The following GPR39 variants were observed in gnomAD, a reference collection of about 807,000 sequenced individuals.
GPR39 encodes zinc sensing receptor.
GPR39 carries 23 observed loss-of-function variants against 18.4 expected under a neutral mutation model. The ratio of observed to expected loss-of-function variants is 1.25; its 90% CI spans 0.90 to 1.77. The LOEUF is 1.77. GPR39 is among the 40% of genes most tolerant of loss of function. GPR39 has a pLI of 0.00. For synonymous variants in GPR39, 280 were observed against 257.9 expected, an observed-to-expected ratio of 1.09 and a Z score of -0.82; for missense variants, 647 against 602.4, an observed-to-expected ratio of 1.07 and a Z score of -0.78.
intron 1 of GPR39, among the ~76,000 whole-genome samples, chr2:132,565,170 C>A (rs541724368): frequency 6.6e-6 from 1 of 152,028 alleles, no homozygotes; most frequent in East Asian, 1.9e-4. Flanking sequence ...GATTTAGTGG[C>A]GTGACGATTA....
intron 1 of GPR39, among the ~76,000 whole-genome samples, chr2:132,445,030 C>A (rs1038611437): frequency 2.0e-5 from 3 of 152,154 alleles, no homozygotes; most frequent in Admixed American, 6.6e-5. Context: ...CCCTACCGCC[C>A]ATCCATTCCC....
chr2:132,457,129 A>T (rs1680742973), intron 1 of GPR39, among the ~76,000 whole-genome samples: 1 of 152,040 alleles, frequency 6.6e-6, no homozygotes, highest in South Asian at 2.1e-4. Flanking sequence ...TCAAATGTAG[A>T]TTTGATCTTT....
intron 1 of GPR39, among the ~76,000 whole-genome samples, chr2:132,603,169 T>C (rs2104843122): frequency 6.6e-6 from 1 of 152,156 alleles, no homozygotes; most frequent in East Asian, 1.9e-4. Context: ...ATAAGGAAAA[T>C]GTGATGTATA....
chr2:132,575,711 A>C (rs1290688404), intron 1 of GPR39, among the ~76,000 whole-genome samples: 9 of 152,170 alleles, frequency 5.9e-5, no homozygotes, highest in Admixed American at 2.0e-4. Context: ...ATGATATTGA[A>C]TGTCCTGCAT....
chr2:132,472,044 A>G (rs966153277), intron 1 of GPR39, among the ~76,000 whole-genome samples: 1 of 152,120 alleles, frequency 6.6e-6, no homozygotes, highest in African/African-American at 2.4e-5. Flanking sequence ...ACTCAACATC[A>G]GTCTGTGCTG....
intron 1 of GPR39, among the ~76,000 whole-genome samples, chr2:132,442,877 T>C (rs557054936): frequency 6.6e-6 from 1 of 152,330 alleles, no homozygotes; most frequent in East Asian, 1.9e-4. Context: ...CTCTTCACTC[T>C]GCATATTTAG....
chr2:132,553,412 G>C, intron 1 of GPR39, among the ~76,000 whole-genome samples: 1 of 150,090 alleles, frequency 6.7e-6, no homozygotes, highest in South Asian at 2.1e-4. Flanking sequence ...GTATATATAT[G>C]TACACACACA....
intron 1 of GPR39, among the ~76,000 whole-genome samples, chr2:132,465,223 A>G (rs1680905995): frequency 6.6e-6 from 1 of 152,184 alleles, no homozygotes; most frequent in East Asian, 1.9e-4. Context: ...TGTCCTGATC[A>G]GATCTGGGCA....
intron 1 of GPR39, among the ~76,000 whole-genome samples, chr2:132,540,180 C>A (rs1237617919): frequency 6.6e-6 from 1 of 152,176 alleles, no homozygotes; most frequent in East Asian, 1.9e-4. Flanking sequence ...ATTTCTCTAA[C>A]ATATGTAGAA....
chr2:132,461,649 A>G (rs1198333004), intron 1 of GPR39, among the ~76,000 whole-genome samples: 3 of 152,210 alleles, frequency 2.0e-5, no homozygotes, highest in African/African-American at 7.2e-5. Context: ...TGCTGTTTTC[A>G]TATAGCTTTT....
At chr2:132,604,220 C>T (rs1334913244) in intron 1 of GPR39, among the ~76,000 whole-genome samples, 1 of 152,132 alleles carries the variant, frequency 6.6e-6, no homozygotes, top group Non-Finnish European at 1.5e-5. Context: ...TTAACTTTCT[C>T]CTTCTGTCTT....
intron 1 of GPR39, among the ~76,000 whole-genome samples, chr2:132,507,592 T>C (rs1457578377): frequency 2.6e-5 from 4 of 152,180 alleles, no homozygotes; most frequent in Non-Finnish European, 5.9e-5. Context: ...GATCACTACC[T>C]GGGGTTAGGT....
intron 1 of GPR39, among the ~76,000 whole-genome samples, chr2:132,527,868 T>C (rs532766160): frequency 2.0e-5 from 3 of 151,458 alleles, no homozygotes; most frequent in African/African-American, 4.8e-5. Flanking sequence ...TGCAAAACTT[T>C]TCTTCACTCT....
chr2:132,519,527 C>T (rs959913313), intron 1 of GPR39, among the ~76,000 whole-genome samples: 4 of 152,114 alleles, frequency 2.6e-5, no homozygotes, highest in African/African-American at 7.2e-5. Context: ...AATTCTGAGG[C>T]GTAATGCAAG....
At chr2:132,469,842 C>G (rs967889661) in intron 1 of GPR39, among the ~76,000 whole-genome samples, 3 of 152,178 alleles carry the variant, frequency 2.0e-5, no homozygotes, top group African/African-American at 7.2e-5. Context: ...CTTTCCCGTT[C>G]TCATCTCCCT....
At chr2:132,457,250 C>T (rs550754874) in intron 1 of GPR39, among the ~76,000 whole-genome samples, 1 of 152,258 alleles carries the variant, frequency 6.6e-6, no homozygotes, top group Admixed American at 6.5e-5. Context: ...CACTGAAACC[C>T]TTACTTCCAC....
chr2:132,612,552 G>A (rs1410059323), intron 1 of GPR39, among the ~76,000 whole-genome samples: 1 of 152,146 alleles, frequency 6.6e-6, no homozygotes. Context: ...ATTAATGTCT[G>A]CCCTTTGGAG....
intron 1 of GPR39, among the ~76,000 whole-genome samples, chr2:132,591,066 A>T (rs1680827472): frequency 6.6e-6 from 1 of 150,536 alleles, no homozygotes; most frequent in African/African-American, 2.4e-5. Context: ...CCTGGCTAAC[A>T]AGGTGAAACC....
chr2:132,471,892 G>A (rs560874921), intron 1 of GPR39, among the ~76,000 whole-genome samples: 8 of 152,214 alleles, frequency 5.3e-5, no homozygotes, highest in African/African-American at 1.9e-4. Flanking sequence ...CAAAAGCTCT[G>A]CAAGCCAGGC....
Sources: allele counts gnomAD v4.1 joint callset (sites outside exome capture counted in the v4.1 genomes callset), GRCh38; gene constraint gnomAD v4.1.1; transcripts MANE v1.5; gene names NCBI Gene and HGNC (gene_info 2026-07-23, HGNC 2026-07-21).